Variants in HEATR3 observed in about 807,000 individuals in gnomAD.
HEATR3 encodes HEAT repeat-containing protein 3.
A neutral mutation model predicts 72.8 loss-of-function variants in HEATR3; 56 were observed. The ratio of observed to expected loss-of-function variants is 0.77; its 90% confidence interval spans 0.62 to 0.96. The LOEUF (loss-of-function observed/expected upper bound fraction) is 0.96. HEATR3 is among the 40% of genes least tolerant of loss of function. The probability of loss-of-function intolerance (pLI) is 0.00; values close to 1 mark genes in which losing one functional copy is unlikely to be tolerated. For missense variants in HEATR3, 747 were observed against 831.4 expected, an observed-to-expected ratio of 0.90 and a Z score of 1.25; for synonymous variants, 331 against 318.1, an observed-to-expected ratio of 1.04 and a Z score of -0.43.
chr16:50,079,637 A>G (rs1321167994), intron 7 of HEATR3, among the ~76,000 whole-genome samples: 2 of 152,178 alleles, frequency 1.3e-5, no homozygotes, highest in Non-Finnish European at 2.9e-5. Context: ...GTTCTCCCAA[A>G]GTGTTTTGGG....
chr16:50,098,878 G>A (rs1027460919), intron 12 of HEATR3, among the ~76,000 whole-genome samples: 7 of 151,840 alleles, frequency 4.6e-5, no homozygotes, highest in African/African-American at 7.3e-5. Flanking sequence ...TTTATCCTAC[G>A]GAATGTACTT....
intron 10 of HEATR3, 69 bp from the exon 11 acceptor site, chr16:50,086,146 A>C: frequency 7.0e-7 from 1 of 1,431,116 alleles, no homozygotes; most frequent in Non-Finnish European, 9.4e-7. Flanking sequence ...GCTTAGGCTA[A>C]AAGTTAATAC....
In HEATR3 at chr16:50,070,200, A is replaced by G; in HGVS notation, c.422A>G (p.Asn141Ser). 6.2e-7 allele frequency: 1 copy of G among 1,601,628 alleles called. No individual in the cohort carries two copies. Among genetic ancestry groups the G allele is most frequent in the Non-Finnish European group, 8.5e-7 (1 of 1,171,320 alleles). ...LKECSAGLDS[N>S]EMSLQEKKDQ... ...CAGTGTAGTGCTGGACTGGATTCAA[A>G]TGAGATGTCTCTGCAGGAGAAAAAA... is the stretch of plus-strand genomic sequence containing the variant. The change falls in exon 4 of 15, where the codon AAT becomes AGT. Residue 141 changes from asparagine (N) to serine (S), a missense_variant. Around this residue, in one of 2 missense-constraint regions of HEATR3, gnomAD observed 586 missense variants for 708.8 expected, o/e 0.83. Coordinates refer to ENST00000299192, the MANE Select transcript of HEATR3 (RefSeq NM_182922.4).
intron 9 of HEATR3, 117 bp from the exon 10 acceptor site, chr16:50,084,452 G>A (rs2036943224): frequency 6.1e-6 from 7 of 1,138,464 alleles, no homozygotes; most frequent in East Asian, 2.4e-5. Flanking sequence ...AGGCGAAAAG[G>A]TCATTCTATA....
At chr16:50,104,904 C>G in intron 14 of HEATR3, 35 bp from the exon 15 acceptor site, 1 of 1,532,686 alleles carries the variant, frequency 6.5e-7, no homozygotes. Context: ...TCATATCTAC[C>G]AAGTCATATA....
At position 50,079,000 on chromosome 16, in the gene HEATR3, C is replaced by G. The variant is rs201353207; in HGVS notation, c.1023C>G (p.Phe341Leu). 1 of 1,611,704 alleles carries G rather than the reference C, an allele frequency of 6.2e-7. No individual in the cohort carries two copies. Among genetic ancestry groups the G allele is most frequent in the Non-Finnish European group, 8.5e-7 (1 of 1,178,976 alleles). Residue 341 changes from phenylalanine to leucine, a missense_variant, in exon 7 of 15, where the codon TTC becomes TTG. Transcript: ENST00000299192. ...SHKRRVRRKT[F>L]VSDLLPPTDK... ...AAAGAAGAGTCAGAAGGAAAACTTT[C>G]GTTTCAGATTTACTTCCGGTAAGTC...
intron 12 of HEATR3, among the ~76,000 whole-genome samples, chr16:50,096,666 G>A (rs2037245837): frequency 6.6e-6 from 1 of 152,140 alleles, no homozygotes; most frequent in African/African-American, 2.4e-5. Flanking sequence ...GGGCATGGTG[G>A]CAGGCACCTG....
At chr16:50,101,360 C>A (rs2037362330) in intron 13 of HEATR3, among the ~76,000 whole-genome samples, 1 of 152,104 alleles carries the variant, frequency 6.6e-6, no homozygotes, top group South Asian at 2.1e-4. Context: ...AAGCGATCTA[C>A]CTACTTCAGC....
intron 12 of HEATR3, among the ~76,000 whole-genome samples, chr16:50,095,394 A>G (rs1597171421): frequency 7.2e-6 from 1 of 138,608 alleles, no homozygotes; most frequent in African/African-American, 2.7e-5. Flanking sequence ...GGCGTGAACC[A>G]CCGTACCCAG....
chr16:50,096,588 C>A (rs2037243406), intron 12 of HEATR3, among the ~76,000 whole-genome samples: 1 of 152,072 alleles, frequency 6.6e-6, no homozygotes, highest in Non-Finnish European at 1.5e-5. Flanking sequence ...CACGTAAGGT[C>A]TGGAGTTCAA....
chr16:50,099,724 G>A (rs530429744), intron 12 of HEATR3, among the ~76,000 whole-genome samples: 4 of 152,292 alleles, frequency 2.6e-5, no homozygotes, highest in African/African-American at 7.2e-5. Flanking sequence ...GATTGCAGGC[G>A]TGAGCCACCG....
At position 50,066,075 on chromosome 16, in the gene HEATR3, C is replaced by T. The variant is rs1229807354; in HGVS notation, c.-57C>T. ...GACCTTGTTAACGGCGCGGCAGCCT[C>T]CACCGCCTGCTGTTGCCCTCCTCTC... is the stretch of plus-strand genomic sequence containing the variant. On this transcript the variant is annotated 5_prime_UTR_variant, in exon 1 of 15. Coordinates refer to ENST00000299192, the MANE Select transcript of HEATR3 (RefSeq NM_182922.4). The T allele has an allele frequency of 9.1e-6, 14 of 1,532,494 alleles. No individual in the cohort carries two copies. Among genetic ancestry groups the T allele is most frequent in the Non-Finnish European group, 3.5e-6 (4 of 1,141,570 alleles). 94.9% of individuals were successfully genotyped at this position (1,532,494 alleles called of 1,614,324 possible).
intron 7 of HEATR3, among the ~76,000 whole-genome samples, chr16:50,082,514 A>G (rs2036888953): frequency 6.6e-6 from 1 of 152,058 alleles, no homozygotes; most frequent in Non-Finnish European, 1.5e-5. Context: ...GGTTCTTGCT[A>G]CCAATAAGTA....
chr16:50,092,013 C>T (rs1028870973), intron 11 of HEATR3, among the ~76,000 whole-genome samples: 2 of 151,994 alleles, frequency 1.3e-5, no homozygotes, highest in African/African-American at 4.8e-5. Flanking sequence ...ATACACTTTG[C>T]AGTCAATATG....
intron 12 of HEATR3, among the ~76,000 whole-genome samples, chr16:50,097,500 G>C (rs1002127582): frequency 2.0e-5 from 3 of 150,982 alleles, no homozygotes; most frequent in African/African-American, 7.3e-5. Flanking sequence ...TCCCATCTTT[G>C]GATAGTAGGA....
At chr16:50,070,616 C>T (rs989248063) in intron 4 of HEATR3, among the ~76,000 whole-genome samples, 13 of 151,952 alleles carry the variant, frequency 8.6e-5, no homozygotes, top group African/African-American at 2.9e-4. Flanking sequence ...GCAGGAGAAT[C>T]GCTTGAACCC....
chr16:50,075,611 G>T lies in HEATR3; in HGVS notation c.663G>T (p.Leu221=). The change falls in exon 6 of 15, where the codon CTG becomes CTT. Residue 221 remains leucine (L), a synonymous_variant. Transcript: ENST00000299192. Reference sequence around the variant, plus strand: ...CAGTGACTGAGGATAACCCAGAGCTGCTGAAGTCTTTCAGTGCTACAGCAT... The same window carrying T: ...CAGTGACTGAGGATAACCCAGAGCTTCTGAAGTCTTTCAGTGCTACAGCAT... ...LQTVTEDNPE[L]LKSFSATALN... is the part of the protein sequence containing the mutation. The T allele has an allele frequency of 1.2e-6, 2 of 1,613,772 alleles. No individual in the cohort carries two copies. Among genetic ancestry groups the T allele is most frequent in the Non-Finnish European group, 1.7e-6 (2 of 1,179,690 alleles).
At chr16:50,092,425 TTTTCTTTTTTC>T (rs1359986528) in intron 11 of HEATR3, among the ~76,000 whole-genome samples, 1 of 32,622 alleles carries the variant, frequency 3.1e-5, no homozygotes, top group Non-Finnish European at 7.4e-5. Flanking sequence ...ATTCTTTTTT[TTTTCTTTTTTC>T]TTTTTTTTTT....
intron 8 of HEATR3, 24 bp from the exon 9 acceptor site, chr16:50,084,110 C>T: frequency 1.2e-6 from 2 of 1,614,126 alleles, no homozygotes; most frequent in Non-Finnish European, 1.7e-6. Flanking sequence ...TATTCCAGTT[C>T]TGCGTGGTTT....
Sources: gnomAD v4.1 joint callset for allele counts (sites outside exome capture counted in the v4.1 genomes callset) on GRCh38, gnomAD v4.1.1 for gene constraint, gnomAD v4.1.1 regional missense constraint, MANE v1.5 for transcripts, NCBI Gene and HGNC (gene_info 2026-07-23, HGNC 2026-07-21) for gene names.